The following CMKLR2 variants were observed in gnomAD, a reference collection of about 807,000 sequenced individuals.
The protein encoded by CMKLR2 is chemerin chemokine-like receptor 2, also known as chemerin-like receptor 2.
A neutral mutation model predicts 23.0 loss-of-function variants in CMKLR2; 18 were observed. That is an observed-to-expected ratio of 0.78 (90% CI 0.54 to 1.16). The LOEUF (loss-of-function observed/expected upper bound fraction) is 1.16. Ranked by LOEUF, CMKLR2 falls within the 50% of genes most tolerant of loss-of-function variation. The pLI is 0.00. For synonymous variants in CMKLR2, 158 were observed against 158.9 expected, an observed-to-expected ratio of 0.99 and a Z score of 0.05; for missense variants, 401 against 412.7, an observed-to-expected ratio of 0.97 and a Z score of 0.25.
rs573891235 is a variant in CMKLR2 at position 206,208,216 on chromosome 2, AG to A, written c.-29+5090del. Among the ~76,000 whole-genome samples, 609 of 152,342 alleles carry A rather than the reference AG, an allele frequency of 4.0e-3. 7 individuals are homozygous for A. Among genetic ancestry groups the A allele is most frequent in the African/African-American group, 0.014 (569 of 41,582 alleles). On this transcript the variant is annotated intron_variant, in intron 1 of 1. Coordinates refer to ENST00000621141, the MANE Select transcript of CMKLR2 (RefSeq NM_001389445.1). ...TGCTCAATGAATGTCTCGTGAAAGA[AG>A]AAGGAAGTGCTTCCTCAATCAACAA... is the stretch of plus-strand genomic sequence containing the variant.
intron 1 of CMKLR2, among the ~76,000 whole-genome samples, chr2:206,180,226 T>TA (rs1688366177): frequency 6.6e-6 from 1 of 151,940 alleles, no homozygotes; most frequent in South Asian, 2.1e-4. Flanking sequence ...GAATCTTACA[T>TA]ACACTTGTAA....
intron 1 of CMKLR2, among the ~76,000 whole-genome samples, chr2:206,186,214 C>A (rs914843043): frequency 6.6e-6 from 1 of 151,090 alleles, no homozygotes; most frequent in Non-Finnish European, 1.5e-5. Context: ...CAGGTTCATG[C>A]CATTCTCTTG....
At chr2:206,203,981 G>A (rs1689211230) in intron 1 of CMKLR2, 1 of 152,178 alleles carries the variant, frequency 6.6e-6, no homozygotes, top group South Asian at 2.1e-4. Flanking sequence ...ACTGTTCTAG[G>A]TTTATTGTAT....
At chr2:206,195,587 A>T (rs1688894799) in intron 1 of CMKLR2, among the ~76,000 whole-genome samples, 1 of 152,174 alleles carries the variant, frequency 6.6e-6, no homozygotes, top group South Asian at 2.1e-4. Flanking sequence ...ATGATAATGG[A>T]TATCGTTTTT....
At chr2:206,206,651 T>C (rs1287021249) in intron 1 of CMKLR2, among the ~76,000 whole-genome samples, 1 of 152,212 alleles carries the variant, frequency 6.6e-6, no homozygotes, top group Non-Finnish European at 1.5e-5. Flanking sequence ...TGGAGGCTTA[T>C]TTCAAGAATG....
At chr2:206,196,507 A>G (rs1457619318) in intron 1 of CMKLR2, among the ~76,000 whole-genome samples, 4 of 152,220 alleles carry the variant, frequency 2.6e-5, no homozygotes, top group Non-Finnish European at 5.9e-5. Context: ...AAAACAAAAC[A>G]AAACACAAAA....
At chr2:206,187,347 T>C (rs1688613601) in intron 1 of CMKLR2, among the ~76,000 whole-genome samples, 1 of 152,166 alleles carries the variant, frequency 6.6e-6, no homozygotes, top group African/African-American at 2.4e-5. Context: ...AGTTATACTT[T>C]GAACTAGAAA....
chr2:206,190,711 G>T (rs1688723416), intron 1 of CMKLR2, among the ~76,000 whole-genome samples: 1 of 152,196 alleles, frequency 6.6e-6, no homozygotes, highest in Admixed American at 6.5e-5. Flanking sequence ...GCGAGATTGG[G>T]AGAAAGAAAG....
At chr2:206,199,194 C>T (rs995550315) in intron 1 of CMKLR2, among the ~76,000 whole-genome samples, 3 of 152,114 alleles carry the variant, frequency 2.0e-5, no homozygotes, top group Non-Finnish European at 2.9e-5. Context: ...ACCAGGAGTT[C>T]GAGACCAGCC....
intron 1 of CMKLR2, among the ~76,000 whole-genome samples, chr2:206,212,390 CT>C (rs34113410): frequency 1.3e-4 from 19 of 146,996 alleles, no homozygotes; most frequent in Middle Eastern, 3.5e-3. Context: ...GTCCCTTGGC[CT>C]TTTTTTTTTT....
intron 1 of CMKLR2, among the ~76,000 whole-genome samples, chr2:206,191,669 CT>C (rs66802286): frequency 0.14 from 18,458 of 128,872 alleles, 1,583 homozygotes; most frequent in African/African-American, 0.27. Flanking sequence ...ACTTCTCTTT[CT>C]TTTTTTTTTT....
At chr2:206,208,358 T>A (rs1309300507) in intron 1 of CMKLR2, among the ~76,000 whole-genome samples, 3 of 151,952 alleles carry the variant, frequency 2.0e-5, no homozygotes, top group African/African-American at 7.3e-5. Flanking sequence ...CTGGGAAACA[T>A]AATGAGACCT....
At chr2:206,177,398 C>CT (rs1002144950) in intron 1 of CMKLR2, 123 bp from the exon 2 acceptor site, 41 of 582,876 alleles carry the variant, frequency 7.0e-5, no homozygotes, top group African/African-American at 1.1e-4. Flanking sequence ...ATTATTTTTT[C>CT]TTTTTTTTGA....
At chr2:206,202,669 CG>C (rs1248103986) in intron 1 of CMKLR2, among the ~76,000 whole-genome samples, 4 of 151,602 alleles carry the variant, frequency 2.6e-5, no homozygotes, top group African/African-American at 9.7e-5. Flanking sequence ...TCGCCCAGGG[CG>C]CCCGCCTCAT....
intron 1 of CMKLR2, among the ~76,000 whole-genome samples, chr2:206,206,573 C>G (rs1445888016): frequency 6.6e-6 from 1 of 152,240 alleles, no homozygotes; most frequent in African/African-American, 2.4e-5. Flanking sequence ...CTCCAAAAAC[C>G]TATGCCCTAG....
intron 1 of CMKLR2, among the ~76,000 whole-genome samples, chr2:206,202,069 T>C (rs1193397984): frequency 1.3e-5 from 2 of 152,338 alleles, no homozygotes; most frequent in East Asian, 3.9e-4. Flanking sequence ...ATGAATTATT[T>C]ATTCAGCACC....
intron 1 of CMKLR2, among the ~76,000 whole-genome samples, chr2:206,181,382 C>T (rs887541195): frequency 2.1e-4 from 32 of 150,388 alleles, no homozygotes; most frequent in Admixed American, 6.6e-4. Flanking sequence ...TTTTTAGAAA[C>T]GAGTATCACT....
chr2:206,176,855 G>T lies in CMKLR2; in HGVS notation c.393C>A (p.Ile131=), dbSNP rs539447013. Residue 131 remains isoleucine, a synonymous_variant, in exon 2 of 2, where the codon ATC becomes ATA. Coordinates refer to ENST00000621141, the MANE Select transcript of CMKLR2 (RefSeq NM_001389445.1). The part of the protein sequence containing the change: ...MFASVFFLTV[I]SLDHYIHLIH... The stretch of plus-strand genomic sequence containing the variant: ...TCAAGTGGATATAGTGGTCCAGGCT[G>T]ATCACTGTCAGGAAAAAAACACTGG... 1 of 1,614,064 alleles carries T rather than the reference G, an allele frequency of 6.2e-7. No individual in the cohort carries two copies. Among genetic ancestry groups the T allele is most frequent in the African/African-American group, 1.3e-5 (1 of 74,936 alleles).
At chr2:206,197,981 G>A (rs1394700279) in intron 1 of CMKLR2, among the ~76,000 whole-genome samples, 1 of 152,164 alleles carries the variant, frequency 6.6e-6, no homozygotes, top group Non-Finnish European at 1.5e-5. Context: ...CACATCTAGG[G>A]ATTCCAGCCA....
Sources: gnomAD v4.1 joint callset for allele counts (sites outside exome capture counted in the v4.1 genomes callset) on GRCh38, gnomAD v4.1.1 for gene constraint, MANE v1.5 for transcripts, NCBI Gene and HGNC (gene_info 2026-07-23, HGNC 2026-07-21) for gene names.